Variants in MFSD6 observed in about 807,000 individuals in gnomAD.
MFSD6 encodes major facilitator superfamily domain containing 6, also known as major facilitator superfamily domain-containing protein 6.
A neutral mutation model predicts 56.3 loss-of-function variants in MFSD6; 26 were observed. That is an observed-to-expected ratio of 0.46 (90% CI 0.34 to 0.64). The LOEUF (loss-of-function observed/expected upper bound fraction) is 0.64. Ranked by LOEUF, MFSD6 falls within the 30% of genes least tolerant of loss-of-function variation. MFSD6 has a pLI of 0.01. For synonymous variants in MFSD6, 331 were observed against 366.9 expected, an observed-to-expected ratio of 0.90 and a Z score of 1.12; for missense variants, 750 against 986.2, an observed-to-expected ratio of 0.76 and a Z score of 3.21.
chr2:190,413,785 T>C lies in MFSD6; in HGVS notation c.-175-1507T>C, dbSNP rs1347590357. Among the ~76,000 whole-genome samples, 1 of 152,130 alleles carries C rather than the reference T, an allele frequency of 6.6e-6. No individual in the cohort carries two copies. Among genetic ancestry groups the C allele is most frequent in the Non-Finnish European group, 1.5e-5 (1 of 68,012 alleles). The stretch of plus-strand genomic sequence containing the variant: ...ACTCCACTCTGCACGGGGCCTGCTC[T>C]CTCTGAGCTCCAATAAACCAATGTA... On this transcript the variant is annotated intron_variant, in intron 1 of 7. Coordinates refer to ENST00000392328, the MANE Select transcript of MFSD6 (RefSeq NM_017694.4). The surrounding 1 kb of genome is among the most constrained non-coding windows in gnomAD (Gnocchi z 4.1).
chr2:190,442,569 C>G (rs750850629), intron 3 of MFSD6: 4 of 151,988 alleles, frequency 2.6e-5, no homozygotes, highest in Admixed American at 6.6e-5. Flanking sequence ...CAGGCCTGAA[C>G]TGCAGCAGTA....
chr2:190,494,292 C>T lies in MFSD6; in HGVS notation c.1892-3147C>T, dbSNP rs1289156464. Among the ~76,000 whole-genome samples the T allele has an allele frequency of 6.6e-6, 1 of 151,994 alleles. No individual in the cohort carries two copies. The highest frequency in any genetic ancestry group is 2.4e-5 in the African/African-American group (1 of 41,396). On this transcript the variant is annotated intron_variant, in intron 6 of 7. Transcript: ENST00000392328. The surrounding 1 kb of genome is among the most constrained non-coding windows in gnomAD (Gnocchi z 5.7). ...TCCTTGAAAGACACAACCCTCCTAG[C>T]TTAAATCAGGAAGAATTAGAAACCC...
At position 190,417,155 on chromosome 2, in the gene MFSD6, G is replaced by C. The variant is rs1425570935; in HGVS notation, c.-54+1742G>C. ...GGAAGGAGTGAGGAAAATGTTTCAAGTGTATTCTATTTCCAGATGTTATGA... is the reference window on the plus strand; with the variant it reads ...GGAAGGAGTGAGGAAAATGTTTCAACTGTATTCTATTTCCAGATGTTATGA... On this transcript the variant is annotated intron_variant, in intron 2 of 7. Coordinates refer to ENST00000392328, the MANE Select transcript of MFSD6 (RefSeq NM_017694.4). The surrounding 1 kb of genome is among the most constrained non-coding windows in gnomAD (Gnocchi z 5.7). Among the ~76,000 whole-genome samples the C allele has an allele frequency of 6.6e-6, 1 of 152,140 alleles. No homozygotes were observed. The highest frequency in any genetic ancestry group is 1.5e-5 in the Non-Finnish European group (1 of 68,028).
In MFSD6 at chr2:190,491,222, T is replaced by C. The variant is rs1689331461; in HGVS notation, c.1891+1356T>C. ...GTACTGGGTTAGTTTTTAAAATACT[T>C]GTGTTCTGGAGAGACTGTTATTGGG... is the stretch of plus-strand genomic sequence containing the variant. On this transcript the variant is annotated intron_variant, in intron 6 of 7. Transcript: ENST00000392328. The surrounding 1 kb of genome is among the most constrained non-coding windows in gnomAD (Gnocchi z 4.2). Among the ~76,000 whole-genome samples, 1 of 152,226 alleles carries C rather than the reference T, an allele frequency of 6.6e-6. No homozygotes were observed. Among genetic ancestry groups the C allele is most frequent in the Admixed American group, 6.5e-5 (1 of 15,282 alleles).
rs983982650 is a variant in MFSD6, at chr2:190,424,343, A to AT, written c.-54+8939dup. Among the ~76,000 whole-genome samples, 10 of 145,280 alleles carry AT rather than the reference A, an allele frequency of 6.9e-5. No homozygotes were observed. The highest frequency in any genetic ancestry group is 4.4e-4 in the South Asian group (2 of 4,524). On this transcript the variant is annotated intron_variant, in intron 2 of 7. Coordinates refer to ENST00000392328, the MANE Select transcript of MFSD6 (RefSeq NM_017694.4). The surrounding 1 kb of genome is among the most constrained non-coding windows in gnomAD (Gnocchi z 5.9). ...AGACTTAGTTTGAGGTTATTTATTTATTTTTTTTTCAGACAGAGTTTCACT... is the reference window on the plus strand; with the variant it reads ...AGACTTAGTTTGAGGTTATTTATTTATTTTTTTTTTCAGACAGAGTTTCACT...
chr2:190,480,314 A>T (rs954918930), intron 4 of MFSD6, among the ~76,000 whole-genome samples: 5 of 152,268 alleles, frequency 3.3e-5, no homozygotes, highest in Admixed American at 3.3e-4. Context: ...AGAGATGTAC[A>T]TATAGGAAGA....
rs1559107485 is a variant in MFSD6, at chr2:190,431,129, C to T, written c.-53-4848C>T. On this transcript the variant is annotated intron_variant, in intron 2 of 7. Coordinates refer to ENST00000392328, the MANE Select transcript of MFSD6 (RefSeq NM_017694.4). This position sits in a 1 kb window ranked among gnomAD's most constrained non-coding sequence, Gnocchi z 4.4. ...ACAGGGCGGCGGGGCAGAGGCGCTC[C>T]CCACATCTCAGACGATGGGCAGCCA... Among the ~76,000 whole-genome samples the T allele has an allele frequency of 6.7e-6, 1 of 149,496 alleles. No homozygotes were observed. The highest frequency in any genetic ancestry group is 1.5e-5 in the Non-Finnish European group (1 of 67,474).
In MFSD6 at chr2:190,500,475, G is replaced by C. The variant is rs529406315; in HGVS notation, c.*257G>C. ...AATGAGGACTTTCAGTTCTTTGCTT[G>C]GTTAGGTTAAGGATGATAGAATTTC... On this transcript the variant is annotated 3_prime_UTR_variant, in exon 8 of 8. Transcript: ENST00000392328. The surrounding 1 kb of genome is among the most constrained non-coding windows in gnomAD (Gnocchi z 5.3). 5 of 490,782 alleles carry C rather than the reference G, an allele frequency of 1.0e-5. No individual in the cohort carries two copies. In the South Asian group the frequency reaches 1.3e-4, roughly 13 times the overall value. 30.4% of individuals were successfully genotyped at this position (490,782 alleles called of 1,614,324 possible).
chr2:190,466,295 C>CTA (rs1177353487), intron 3 of MFSD6, among the ~76,000 whole-genome samples: 3 of 152,206 alleles, frequency 2.0e-5, no homozygotes, highest in Non-Finnish European at 4.4e-5. Flanking sequence ...TCAGTCATAA[C>CTA]AGTGCATACT....
intron 4 of MFSD6, among the ~76,000 whole-genome samples, chr2:190,481,621 G>C (rs1231636408): frequency 2.0e-5 from 3 of 152,152 alleles, no homozygotes; most frequent in African/African-American, 7.2e-5. Context: ...AAGCTCCTTG[G>C]TGGCTGGGGA....
rs559770123 is a variant in MFSD6, at chr2:190,471,447, C to T, written c.1630+1592C>T. The stretch of plus-strand genomic sequence containing the variant: ...AACGGCACACTAGGAGATTATATCC[C>T]GCACCTGGCTTGGAGGGTCCTACGC... On this transcript the variant is annotated intron_variant, in intron 4 of 7. Transcript: ENST00000392328. This position sits in a 1 kb window ranked among gnomAD's most constrained non-coding sequence, Gnocchi z 4.7. Among the ~76,000 whole-genome samples the T allele has an allele frequency of 2.5e-4, 38 of 152,312 alleles. No homozygotes were observed. Among genetic ancestry groups the T allele is most frequent in the East Asian group, 3.9e-4 (2 of 5,188 alleles).
Position 190,498,213 on chromosome 2 carries a change from T to G in MFSD6, c.2172+494T>G, listed in dbSNP as rs1236657332. 1.3e-5 allele frequency among the ~76,000 whole-genome samples: 2 copies of G among 152,182 alleles called. No individual in the cohort carries two copies. The highest frequency in any genetic ancestry group is 4.8e-5 in the African/African-American group (2 of 41,440). On this transcript the variant is annotated intron_variant, in intron 7 of 7. Transcript: ENST00000392328. This position sits in a 1 kb window ranked among gnomAD's most constrained non-coding sequence, Gnocchi z 5.9. ...AAGTCTAAAAGTGTGATTTTTCTTG[T>G]CCCCAGAGGAGTGATCTTTCCTGAG...
At position 190,451,264 on chromosome 2, in the gene MFSD6, A is replaced by G. The variant is rs1201640751; in HGVS notation, c.1532+13703A>G. On this transcript the variant is annotated intron_variant, in intron 3 of 7. Coordinates refer to ENST00000392328, the MANE Select transcript of MFSD6 (RefSeq NM_017694.4). This position sits in a 1 kb window ranked among gnomAD's most constrained non-coding sequence, Gnocchi z 5.0. ...AGCTTTGTTAAGCCTCAGGTTCCTC[A>G]TTGGTAAAACGGGGCAATAATTATA... 6.6e-6 allele frequency among the ~76,000 whole-genome samples: 1 copy of G among 152,188 alleles called. No individual in the cohort carries two copies. Among genetic ancestry groups the G allele is most frequent in the Admixed American group, 6.5e-5 (1 of 15,276 alleles).
intron 3 of MFSD6, among the ~76,000 whole-genome samples, chr2:190,460,267 G>A (rs547598428): frequency 1.3e-5 from 2 of 152,256 alleles, no homozygotes; most frequent in South Asian, 4.1e-4. Flanking sequence ...GCCTATTAAT[G>A]TTAGTCAAAA....
chr2:190,484,173 A>C (rs1328036663), intron 4 of MFSD6, among the ~76,000 whole-genome samples: 1 of 152,218 alleles, frequency 6.6e-6, no homozygotes, highest in African/African-American at 2.4e-5. Flanking sequence ...AAGAGTTAAC[A>C]CATTGCAAGG....
At position 190,478,204 on chromosome 2, in the gene MFSD6, C is replaced by G. The variant is rs539935369; in HGVS notation, c.1630+8349C>G. Among the ~76,000 whole-genome samples, 6 of 152,222 alleles carry G rather than the reference C, an allele frequency of 3.9e-5. No homozygotes were observed. The East Asian group carries it at 1.2e-3, about 29-fold the overall frequency. ...ACTTCTGTGTTTCATTTTATTCTCC[C>G]TTATGCCAGTAGAAACCTAGCTACT... On this transcript the variant is annotated intron_variant, in intron 4 of 7. Transcript: ENST00000392328.
Position 190,438,598 on chromosome 2 carries a change from A to G in MFSD6, c.1532+1037A>G, listed in dbSNP as rs1341754080. 6.6e-6 allele frequency among the ~76,000 whole-genome samples: 1 copy of G among 152,212 alleles called. No individual in the cohort carries two copies. The highest frequency in any genetic ancestry group is 6.5e-5 in the Admixed American group (1 of 15,284). ...ACCATTAATGTGCACCTTGCTCTTTAGAGATCTTTCTGCTCTGTTGGCTCT... is the reference window on the plus strand; with the variant it reads ...ACCATTAATGTGCACCTTGCTCTTTGGAGATCTTTCTGCTCTGTTGGCTCT... On this transcript the variant is annotated intron_variant, in intron 3 of 7. Coordinates refer to ENST00000392328, the MANE Select transcript of MFSD6 (RefSeq NM_017694.4). This position sits in a 1 kb window ranked among gnomAD's most constrained non-coding sequence, Gnocchi z 5.2.
rs569916225 is a variant in MFSD6 at position 190,446,228 on chromosome 2, A to G, written c.1532+8667A>G. Among the ~76,000 whole-genome samples the G allele has an allele frequency of 4.6e-5, 7 of 152,292 alleles. No individual in the cohort carries two copies. The East Asian group carries it at 1.3e-3, about 29-fold the overall frequency. On this transcript the variant is annotated intron_variant, in intron 3 of 7. Coordinates refer to ENST00000392328, the MANE Select transcript of MFSD6 (RefSeq NM_017694.4). ...GCTGAACTTTATCTGAGTTTTAATAATCATAGAATTATTACAAACTCTGAA... is the reference window on the plus strand; with the variant it reads ...GCTGAACTTTATCTGAGTTTTAATAGTCATAGAATTATTACAAACTCTGAA...
intron 3 of MFSD6, chr2:190,464,697 T>A (rs1242618421): frequency 6.2e-6 from 1 of 160,184 alleles, no homozygotes; most frequent in African/African-American, 2.4e-5. Flanking sequence ...TCCTGTGTGG[T>A]CCCATTGCAC....
Sources: gnomAD v4.1 joint callset for allele counts (sites outside exome capture counted in the v4.1 genomes callset) on GRCh38, gnomAD v4.1.1 for gene constraint, Gnocchi (gnomAD v3.1) non-coding constraint, MANE v1.5 for transcripts, NCBI Gene and HGNC (gene_info 2026-07-23, HGNC 2026-07-21) for gene names.